Variants in TTBK1 observed in about 807,000 individuals in gnomAD.
TTBK1 encodes the protein tau tubulin kinase 1, also known as tau-tubulin kinase 1.
TTBK1 carries 34 observed loss-of-function variants against 108.5 expected under a neutral mutation model. The ratio of observed to expected loss-of-function variants is 0.31; its 90% CI spans 0.24 to 0.42. The LOEUF (loss-of-function observed/expected upper bound fraction) is 0.42, where lower values mean the gene tolerates loss of function less well. Ranked by LOEUF, TTBK1 falls within the 10% of genes least tolerant of loss-of-function variation. The pLI is 1.00. For synonymous variants in TTBK1, 809 were observed against 795.1 expected (o/e 1.02, Z -0.29); for missense variants, 1,539 against 1,826.0 (o/e 0.84, Z 2.86).
intron 13 of TTBK1, among the ~76,000 whole-genome samples, chr6:43,278,099 T>C (rs1474548254): frequency 6.6e-6 from 1 of 151,832 alleles, no homozygotes; most frequent in African/African-American, 2.4e-5. Context: ...CAGGCAGGAG[T>C]GGCTCCATGC....
chr6:43,256,932 G>A (rs191224204), intron 9 of TTBK1, among the ~76,000 whole-genome samples: 5 of 152,210 alleles, frequency 3.3e-5, no homozygotes, highest in African/African-American at 7.2e-5. Flanking sequence ...CTTTCCAAGC[G>A]TCCATCACCA....
At chr6:43,256,038 C>G (rs1244573255) in intron 9 of TTBK1, among the ~76,000 whole-genome samples, 182 bp downstream of exon 9, 1 of 152,170 alleles carries the variant, frequency 6.6e-6, no homozygotes, top group East Asian at 1.9e-4. Context: ...CAAGATTTAT[C>G]AAGAGCTTAC....
chr6:43,255,344 G>A (rs2150687850), intron 7 of TTBK1, among the ~76,000 whole-genome samples: 1 of 152,310 alleles, frequency 6.6e-6, no homozygotes, highest in East Asian at 1.9e-4. Flanking sequence ...CCTGTCCGGT[G>A]AGGAAGCACA....
chr6:43,266,810 G>T (rs914522119), intron 13 of TTBK1, among the ~76,000 whole-genome samples: 7 of 151,962 alleles, frequency 4.6e-5, no homozygotes, highest in Admixed American at 3.9e-4. Context: ...GTAGAGACGG[G>T]GTTTCTCCAT....
chr6:43,277,935 T>A lies in TTBK1; in HGVS notation c.1987-4792T>A, dbSNP rs111487579. Among the ~76,000 whole-genome samples the A allele has an allele frequency of 2.4e-4, 37 of 152,270 alleles. 1 individual carries two copies. Among genetic ancestry groups the A allele is most frequent in the Admixed American group, 4.6e-4 (7 of 15,294 alleles). ...TCTGAGAGAGGAGGAGGAACTGCTG[T>A]GAGAGGCACAAGCCTCCGACCTCAG... On this transcript the variant is annotated intron_variant, in intron 13 of 14. Transcript: ENST00000259750.
In TTBK1 at chr6:43,246,717, G is replaced by A. The variant is rs1777098140; in HGVS notation, c.57G>A (p.Glu19=). ...KDETNMSGGG[E]QADILPANYV... is the part of the protein sequence containing the mutation. The stretch of plus-strand genomic sequence containing the variant: ...AAACCAACATGAGTGGGGGAGGGGA[G>A]CAGGCCGACATCCTGCCGGCCAACT... Residue 19 remains glutamate, a synonymous_variant, in exon 2 of 15, where the codon GAG becomes GAA. Coordinates refer to ENST00000259750, the MANE Select transcript of TTBK1 (RefSeq NM_032538.3). 1.9e-6 allele frequency: 3 copies of A among 1,611,962 alleles called. No individual in the cohort carries two copies. The highest frequency in any genetic ancestry group is 2.5e-6 in the Non-Finnish European group (3 of 1,179,156).
chr6:43,262,756 A>G lies in TTBK1; in HGVS notation c.1425-33A>G, dbSNP rs751302043. The G allele has an allele frequency of 4.0e-6, 6 of 1,497,948 alleles. No individual in the cohort carries two copies. The African/African-American group carries it at 6.9e-5, about 17-fold the overall frequency. The allele number at this position is 1,497,948 out of a possible 1,614,324, so 92.8% of individuals were successfully genotyped here. On this transcript the variant is annotated intron_variant, in intron 12 of 14. Transcript: ENST00000259750. The stretch of plus-strand genomic sequence containing the variant: ...GGGTCCTTGGGGGTCCAGTGGGGCC[A>G]GGTATTGAGCCCCGTGAGGGGTGGC...
chr6:43,286,178 G>A lies in TTBK1; in HGVS notation c.*802G>A, dbSNP rs1778377855. ...CTCCAGATTTGGGTGGAGCCTCTGT[G>A]GGAACCATAGGAAGTGTGTGGGCTG... On this transcript the variant is annotated 3_prime_UTR_variant, in exon 15 of 15. Transcript: ENST00000259750. This position sits in a 1 kb window ranked among gnomAD's most constrained non-coding sequence, Gnocchi z 4.6. 6.5e-6 allele frequency: 1 copy of A among 152,714 alleles called. No homozygotes were observed. Among genetic ancestry groups the A allele is most frequent in the Non-Finnish European group, 1.5e-5 (1 of 68,098 alleles). The allele number at this position is 152,714 out of a possible 1,614,324, so 9.5% of individuals were successfully genotyped here.
In TTBK1 at chr6:43,282,283, G is replaced by A. The variant is rs912784589; in HGVS notation, c.1987-444G>A. 3.9e-4 allele frequency among the ~76,000 whole-genome samples: 59 copies of A among 152,256 alleles called. 1 individual carries two copies. Among genetic ancestry groups the A allele is most frequent in the African/African-American group, 1.3e-3 (55 of 41,462 alleles). On this transcript the variant is annotated intron_variant, in intron 13 of 14. Transcript: ENST00000259750. This position sits in a 1 kb window ranked among gnomAD's most constrained non-coding sequence, Gnocchi z 5.4. ...CCAGGAAGTGGCACAGATACTTGCC[G>A]CCGTCTCTGGACCTGGCTTTCTCAT... is the stretch of plus-strand genomic sequence containing the variant.
chr6:43,280,264 G>A (rs750799916), intron 13 of TTBK1, among the ~76,000 whole-genome samples: 2 of 152,078 alleles, frequency 1.3e-5, no homozygotes, highest in Non-Finnish European at 2.9e-5. Flanking sequence ...TATTTGCATG[G>A]AGGCTTCGGC....
intron 12 of TTBK1, among the ~76,000 whole-genome samples, chr6:43,260,709 T>C (rs1336692232): frequency 6.6e-6 from 1 of 152,182 alleles, no homozygotes; most frequent in African/African-American, 2.4e-5. Flanking sequence ...AAGGGCTGCC[T>C]GCTTTTAGAA....
At position 43,269,984 on chromosome 6, in the gene TTBK1, G is replaced by C. The variant is rs936502383; in HGVS notation, c.1986+6634G>C. ...CCCCCCCCTCCTGGAGGGGGCAGGTGGGGGGGGGTGGGGAGCAGGCAGAGG... is the reference window on the plus strand; with the variant it reads ...CCCCCCCCTCCTGGAGGGGGCAGGTCGGGGGGGGTGGGGAGCAGGCAGAGG... On this transcript the variant is annotated intron_variant, in intron 13 of 14. Coordinates refer to ENST00000259750, the MANE Select transcript of TTBK1 (RefSeq NM_032538.3). This position sits in a 1 kb window ranked among gnomAD's most constrained non-coding sequence, Gnocchi z 4.8. 2.0e-5 allele frequency: 23 copies of C among 1,156,478 alleles called. No individual in the cohort carries two copies. The South Asian group carries it at 2.2e-4, about 11-fold the overall frequency. The allele number at this position is 1,156,478 out of a possible 1,614,324, so 71.6% of individuals were successfully genotyped here.
chr6:43,267,013 G>C (rs1777698090), intron 13 of TTBK1, among the ~76,000 whole-genome samples: 1 of 141,680 alleles, frequency 7.1e-6, no homozygotes, highest in Admixed American at 6.9e-5. Flanking sequence ...GTGTGTGTGT[G>C]TGTGTGTGTG....
At chr6:43,256,110 G>T (rs1351071121) in intron 9 of TTBK1, among the ~76,000 whole-genome samples, 1 of 151,650 alleles carries the variant, frequency 6.6e-6, no homozygotes. Flanking sequence ...CTTTGATGAT[G>T]ATGAATGCTC....
In TTBK1 at chr6:43,253,112, G is replaced by A. The variant is rs1191972162; in HGVS notation, c.257-179G>A. Among the ~76,000 whole-genome samples, 1 of 152,130 alleles carries A rather than the reference G, an allele frequency of 6.6e-6. No homozygotes were observed. The highest frequency in any genetic ancestry group is 1.5e-5 in the Non-Finnish European group (1 of 68,022). On this transcript the variant is annotated intron_variant, in intron 3 of 14. Transcript: ENST00000259750. The surrounding 1 kb of genome is among the most constrained non-coding windows in gnomAD (Gnocchi z 5.8). ...GGAGGCCGGGTTGGTGATCAAGGAA[G>A]TAATCGAGCTGGAGTCTAGGAGACA...
chr6:43,252,937 G>T (rs774600960), intron 3 of TTBK1, 51 bp downstream of exon 3: 2 of 1,598,212 alleles, frequency 1.3e-6, no homozygotes, highest in South Asian at 1.1e-5. Context: ...GAAGCCAGGG[G>T]CTAAGAGAGG....
chr6:43,284,839 A>C, intron 14 of TTBK1, 144 bp from the exon 15 acceptor site: 1 of 1,330,932 alleles, frequency 7.5e-7, no homozygotes, highest in South Asian at 1.9e-5. Context: ...GCCAGGCCTC[A>C]GTTTACCCAT....
intron 13 of TTBK1, among the ~76,000 whole-genome samples, chr6:43,274,165 C>T (rs1777903983): frequency 6.6e-6 from 1 of 152,200 alleles, no homozygotes; most frequent in Non-Finnish European, 1.5e-5. Flanking sequence ...CCCCCACACA[C>T]TCAAGGCAGC....
intron 2 of TTBK1, among the ~76,000 whole-genome samples, chr6:43,247,458 T>A (rs1036695009): frequency 1.3e-5 from 2 of 152,154 alleles, no homozygotes; most frequent in Non-Finnish European, 2.9e-5. Context: ...ATCACCTCCC[T>A]TTTTCCGTCA....
Sources: allele counts gnomAD v4.1 joint callset (sites outside exome capture counted in the v4.1 genomes callset), GRCh38; gene constraint gnomAD v4.1.1; non-coding constraint Gnocchi (gnomAD v3.1); transcripts MANE v1.5; gene names NCBI Gene and HGNC (gene_info 2026-07-23, HGNC 2026-07-21).